The following ENOX2 variants were observed in gnomAD, a reference collection of about 807,000 sequenced individuals.
ENOX2 encodes APK1 antigen.
Under a neutral mutation model 45.0 loss-of-function variants are expected in ENOX2, and 36 were observed. The ratio of observed to expected loss-of-function variants is 0.80; its 90% CI spans 0.61 to 1.06. The LOEUF (loss-of-function observed/expected upper bound fraction) is 1.06, where lower values mean the gene tolerates loss of function less well. Ranked by LOEUF, ENOX2 falls within the 50% of genes least tolerant of loss-of-function variation. The probability of loss-of-function intolerance (pLI) is 0.00; values close to 1 mark genes in which losing one functional copy is unlikely to be tolerated. For missense variants in ENOX2, 423 were observed against 462.5 expected (o/e 0.91, Z 0.78); for synonymous variants, 174 against 152.3 (o/e 1.14, Z -1.05).
At chrX:130,882,992 T>C (rs1048573733) in intron 2 of ENOX2, among the ~76,000 whole-genome samples, 1 of 112,653 alleles carries the variant, frequency 8.9e-6, no homozygotes, top group African/African-American at 3.2e-5. Flanking sequence ...ATGGAAATAC[T>C]ACTGTCTACC....
intron 5 of ENOX2, among the ~76,000 whole-genome samples, chrX:130,682,972 A>T (rs2037350476): frequency 8.9e-6 from 1 of 112,041 alleles, no homozygotes; most frequent in South Asian, 3.7e-4. Flanking sequence ...CCCACCTATT[A>T]ATCAGGTAAT....
intron 2 of ENOX2, among the ~76,000 whole-genome samples, chrX:130,898,797 G>A (rs1433716241): frequency 9.4e-6 from 1 of 106,648 alleles, no homozygotes; most frequent in Non-Finnish European, 1.9e-5. Flanking sequence ...GATGTCCTGA[G>A]TATTAAATTT....
intron 2 of ENOX2, among the ~76,000 whole-genome samples, chrX:130,833,006 T>C (rs888640304): frequency 5.4e-5 from 5 of 91,789 alleles, no homozygotes; most frequent in Non-Finnish European, 1.0e-4. Context: ...AGTATTCATG[T>C]ATAATCACAC....
chrX:130,658,388 A>G (rs1271253616), intron 9 of ENOX2, among the ~76,000 whole-genome samples: 12 of 111,919 alleles, frequency 1.1e-4, no homozygotes, highest in Non-Finnish European at 1.9e-5. Context: ...GAGCCTTGGG[A>G]CCTTGTGAGA....
chrX:130,632,407 T>A, intron 12 of ENOX2, among the ~76,000 whole-genome samples: 1 of 90,062 alleles, frequency 1.1e-5, no homozygotes, highest in African/African-American at 3.9e-5. Context: ...GTGAAATCCA[T>A]GACCAGCAGT....
chrX:130,869,919 C>A (rs780650949), intron 2 of ENOX2, among the ~76,000 whole-genome samples: 2 of 112,202 alleles, frequency 1.8e-5, no homozygotes, highest in Non-Finnish European at 3.8e-5. Context: ...CAGTGGCTTA[C>A]CAGTAGTATG....
chrX:130,698,784 A>G (rs888038387), intron 4 of ENOX2, among the ~76,000 whole-genome samples: 4 of 111,484 alleles, frequency 3.6e-5, no homozygotes, highest in Admixed American at 2.9e-4. Context: ...CTGCCTCCTT[A>G]AGAATGAGCA....
At chrX:130,662,567 T>C (rs1479078699) in intron 9 of ENOX2, among the ~76,000 whole-genome samples, 3 of 112,071 alleles carry the variant, frequency 2.7e-5, no homozygotes, top group African/African-American at 9.7e-5. Flanking sequence ...GTTCTGATTT[T>C]CAAGGGGTGC....
At chrX:130,666,877 G>A (rs926704474) in intron 8 of ENOX2, among the ~76,000 whole-genome samples, 1 of 111,753 alleles carries the variant, frequency 8.9e-6, no homozygotes, top group Admixed American at 9.5e-5. Flanking sequence ...AAAAATAAGA[G>A]TGTATAATTT....
chrX:130,880,066 T>C (rs1361063860), intron 2 of ENOX2, among the ~76,000 whole-genome samples: 1 of 111,669 alleles, frequency 9.0e-6, no homozygotes, highest in Non-Finnish European at 1.9e-5. Context: ...GGCAGTTCAG[T>C]GAGGTTGGAT....
chrX:130,794,425 A>G (rs1193755612), intron 2 of ENOX2, among the ~76,000 whole-genome samples: 1 of 112,491 alleles, frequency 8.9e-6, no homozygotes, highest in African/African-American at 3.2e-5. Context: ...TCCCTGCAGA[A>G]ACCACTTCAC....
In ENOX2 at chrX:130,656,774, A is replaced by C. The variant is rs2036558032; in HGVS notation, c.1015-79T>G. The C allele has an allele frequency of 6.8e-6, 4 of 587,184 alleles. No individual in the cohort carries two copies. The Admixed American group carries it at 1.3e-4, about 19-fold the overall frequency. 48.4% of individuals were successfully genotyped at this position (587,184 alleles called of 1,213,427 possible). A position where few individuals can be genotyped will look rare whatever the true frequency, so the allele number is the denominator to read the frequency against. On this transcript the variant is annotated intron_variant, in intron 9 of 14. Coordinates refer to ENST00000394363, the MANE Select transcript of ENOX2 (RefSeq NM_006375.4). ...AATGAATGGAGTTAAGGATAAGATA[A>C]AGCAGCATTTTTTTTTGACATATTA...
intron 2 of ENOX2, among the ~76,000 whole-genome samples, chrX:130,786,095 T>C (rs890159162): frequency 8.8e-6 from 1 of 113,097 alleles, no homozygotes; most frequent in Non-Finnish European, 1.9e-5. Flanking sequence ...ACAATTATAT[T>C]CTTGGTGCCT....
At chrX:130,849,732 C>G (rs1221901043) in intron 2 of ENOX2, among the ~76,000 whole-genome samples, 2 of 111,924 alleles carry the variant, frequency 1.8e-5, no homozygotes, top group Non-Finnish European at 3.8e-5. Context: ...TATGTATGAC[C>G]TTGAACAAAT....
rs142475631 is a variant in ENOX2, at chrX:130,842,944, C to T, written c.-183+58740G>A. 6.9e-3 allele frequency among the ~76,000 whole-genome samples: 764 copies of T among 111,028 alleles called. 5 individuals are homozygous for T. Among genetic ancestry groups the T allele is most frequent in the African/African-American group, 0.024 (722 of 30,492 alleles). ...GTATGCAGAATAGCAGAATAGTGTA[C>T]GTAAATTTTATGGGGGAGAGGGTCT... On this transcript the variant is annotated intron_variant, in intron 2 of 14. Coordinates refer to ENST00000394363, the MANE Select transcript of ENOX2 (RefSeq NM_006375.4).
intron 11 of ENOX2, among the ~76,000 whole-genome samples, chrX:130,636,333 T>C (rs1043873085): frequency 8.9e-6 from 1 of 112,667 alleles, no homozygotes; most frequent in African/African-American, 3.2e-5. Context: ...AACATAGGGT[T>C]CCTAGTGCCA....
At chrX:130,796,533 A>C (rs2077130791) in intron 2 of ENOX2, among the ~76,000 whole-genome samples, 1 of 112,348 alleles carries the variant, frequency 8.9e-6, no homozygotes, top group African/African-American at 3.2e-5. Flanking sequence ...GAAAAAAAGT[A>C]TAATTGTCTA....
chrX:130,782,779 A>G (rs1375395361), intron 3 of ENOX2, among the ~76,000 whole-genome samples: 1 of 111,622 alleles, frequency 9.0e-6, no homozygotes, highest in Non-Finnish European at 1.9e-5. Flanking sequence ...AAGACATAAA[A>G]TTGTAAAATA....
At position 130,679,645 on chromosome X, in the gene ENOX2, G is replaced by A. The variant is rs771959613; in HGVS notation, c.357C>T (p.Phe119=). The change falls in exon 6 of 15, where the codon TTC becomes TTT. Residue 119 remains phenylalanine, a synonymous_variant. Transcript: ENST00000394363. ...NGTEQIIVEV[F]EQCGEIIAIR... ...TGGCAATGATCTCTCCACACTGCTC[G>A]AAAACTTCCACAATGATTTGCTCTG... The A allele has an allele frequency of 4.1e-6, 5 of 1,208,214 alleles. No homozygotes were observed. Among genetic ancestry groups the A allele is most frequent in the Admixed American group, 2.2e-5 (1 of 45,790 alleles).
Sources: gnomAD v4.1 joint callset for allele counts (sites outside exome capture counted in the v4.1 genomes callset) on GRCh38, gnomAD v4.1.1 for gene constraint, MANE v1.5 for transcripts, NCBI Gene and HGNC (gene_info 2026-07-23, HGNC 2026-07-21) for gene names.